The following PSD3 variants were observed in gnomAD, a reference collection of about 807,000 sequenced individuals.
The protein encoded by PSD3 is pleckstrin and Sec7 domain containing 3.
Under a neutral mutation model 105.5 loss-of-function variants are expected in PSD3, and 49 were observed. The ratio of observed to expected loss-of-function variants is 0.46; its 90% confidence interval spans 0.37 to 0.59. PSD3 has a LOEUF of 0.59. PSD3 is among the 20% of genes least tolerant of loss of function. The probability of loss-of-function intolerance (pLI) is 0.00; values close to 1 mark genes in which losing one functional copy is unlikely to be tolerated. For synonymous variants in PSD3, 557 were observed against 457.8 expected, an observed-to-expected ratio of 1.22 and a Z score of -2.77; for missense variants, 1,561 against 1,263.8, an observed-to-expected ratio of 1.24 and a Z score of -3.57.
At chr8:18,682,235 G>A (rs1420575720) in intron 9 of PSD3, among the ~76,000 whole-genome samples, 1 of 152,192 alleles carries the variant, frequency 6.6e-6, no homozygotes, top group Non-Finnish European at 1.5e-5. Flanking sequence ...TAAGGATGAT[G>A]AGCTCTTAAT....
chr8:18,697,301 G>A (rs992381040), intron 9 of PSD3, among the ~76,000 whole-genome samples: 2 of 152,104 alleles, frequency 1.3e-5, no homozygotes, highest in South Asian at 2.1e-4. Flanking sequence ...AGGAAACAAC[G>A]GGCTAAGAAT....
intron 2 of PSD3, among the ~76,000 whole-genome samples, chr8:18,914,287 T>A (rs1055528511): frequency 1.3e-5 from 2 of 151,506 alleles, no homozygotes; most frequent in African/African-American, 4.8e-5. Context: ...AGCCCACAGC[T>A]AACATCACAC....
chr8:18,543,006 A>G (rs1263592141), intron 15 of PSD3, among the ~76,000 whole-genome samples: 1 of 152,218 alleles, frequency 6.6e-6, no homozygotes, highest in African/African-American at 2.4e-5. Context: ...TAAGCATAAT[A>G]TAATTCCACT....
intron 2 of PSD3, among the ~76,000 whole-genome samples, chr8:18,920,652 G>T (rs1469565238): frequency 2.0e-5 from 3 of 152,140 alleles, no homozygotes. Context: ...CCTAAGGCCG[G>T]ATCATTAGAA....
intron 1 of PSD3, among the ~76,000 whole-genome samples, chr8:18,998,365 G>C (rs1233023149): frequency 6.6e-6 from 1 of 151,952 alleles, no homozygotes; most frequent in Non-Finnish European, 1.5e-5. Flanking sequence ...TCAAAACCCT[G>C]GACCTTGCTT....
At chr8:19,037,025 T>C (rs956456610) in intron 1 of PSD3, among the ~76,000 whole-genome samples, 1 of 152,202 alleles carries the variant, frequency 6.6e-6, no homozygotes, top group African/African-American at 2.4e-5. Context: ...CACCACTAAT[T>C]AGAATTTACC....
intron 12 of PSD3, among the ~76,000 whole-genome samples, chr8:18,579,096 CCACA>C (rs3988324): frequency 0.28 from 40,570 of 143,472 alleles, 5,964 homozygotes; most frequent in East Asian, 0.44. Flanking sequence ...AGCTCCAAGT[CCACA>C]CACACACACA....
chr8:18,845,099 AT>A (rs1278994022), intron 4 of PSD3, among the ~76,000 whole-genome samples: 1 of 152,214 alleles, frequency 6.6e-6, no homozygotes, highest in Non-Finnish European at 1.5e-5. Flanking sequence ...AAGGAAAAAC[AT>A]GAGGTAAAAA....
chr8:19,067,248 T>C (rs894832792), intron 1 of PSD3, among the ~76,000 whole-genome samples: 6 of 152,310 alleles, frequency 3.9e-5, no homozygotes, highest in African/African-American at 1.4e-4. Flanking sequence ...ACTACAGTAG[T>C]GCTACCTGAA....
chr8:18,799,275 T>A lies in PSD3; in HGVS notation c.2082+20A>T. On this transcript the variant is annotated intron_variant, in intron 8 of 15. Transcript: ENST00000327040. ...AAGCCCGACATGTTTTGGATCTAAGTTTCACAAATCCACACTTACGTGGCC... is the reference window on the plus strand; with the variant it reads ...AAGCCCGACATGTTTTGGATCTAAGATTCACAAATCCACACTTACGTGGCC... The A allele has an allele frequency of 6.3e-7, 1 of 1,582,086 alleles. No individual in the cohort carries two copies. Among genetic ancestry groups the A allele is most frequent in the Non-Finnish European group, 8.7e-7 (1 of 1,150,964 alleles).
chr8:18,781,311 T>C (rs1327979180), intron 8 of PSD3, among the ~76,000 whole-genome samples: 1 of 152,256 alleles, frequency 6.6e-6, no homozygotes, highest in Non-Finnish European at 1.5e-5. Flanking sequence ...GCCCTTCTGA[T>C]GCATGCATAT....
intron 4 of PSD3, 115 bp downstream of exon 4, chr8:18,867,558 CT>C: frequency 7.6e-7 from 1 of 1,313,024 alleles, no homozygotes; most frequent in Admixed American, 2.7e-5. Context: ...ACATCATTTG[CT>C]TATGTCCACA....
intron 4 of PSD3, among the ~76,000 whole-genome samples, chr8:18,839,976 C>A (rs1814480451): frequency 6.6e-6 from 1 of 152,284 alleles, no homozygotes; most frequent in East Asian, 1.9e-4. Context: ...TCCCCTCCCA[C>A]AAACTGTTGA....
At chr8:18,556,989 T>C (rs116583224) in intron 14 of PSD3, among the ~76,000 whole-genome samples, 2,231 of 152,338 alleles carry the variant, frequency 0.015, 53 homozygotes, top group African/African-American at 0.051. Flanking sequence ...TTAGCAATTA[T>C]TGCCTTAGTA....
At chr8:18,969,758 C>T (rs936778238) in intron 1 of PSD3, among the ~76,000 whole-genome samples, 1 of 152,078 alleles carries the variant, frequency 6.6e-6, no homozygotes, top group Non-Finnish European at 1.5e-5. Context: ...ACCCAAGGAT[C>T]TTTCAAAGTC....
chr8:18,565,694 A>T (rs906169122), intron 14 of PSD3, among the ~76,000 whole-genome samples: 2 of 152,176 alleles, frequency 1.3e-5, no homozygotes, highest in African/African-American at 4.8e-5. Context: ...TATCCAAAAA[A>T]TTGTGGCATT....
At chr8:19,070,612 A>G (rs966585499) in intron 1 of PSD3, among the ~76,000 whole-genome samples, 1 of 152,142 alleles carries the variant, frequency 6.6e-6, no homozygotes, top group Non-Finnish European at 1.5e-5. Flanking sequence ...TGGGAGGCGG[A>G]GGTTGCAGTG....
chr8:18,934,467 G>C (rs1470276109), intron 2 of PSD3, among the ~76,000 whole-genome samples: 1 of 152,108 alleles, frequency 6.6e-6, no homozygotes, highest in Non-Finnish European at 1.5e-5. Context: ...CTGGAGTGCA[G>C]TGGCGTGATC....
At chr8:18,846,386 G>C (rs1304947329) in intron 4 of PSD3, among the ~76,000 whole-genome samples, 1 of 152,158 alleles carries the variant, frequency 6.6e-6, no homozygotes, top group African/African-American at 2.4e-5. Flanking sequence ...AGAAAAATCA[G>C]ATGAACAGAA....
Sources: allele counts gnomAD v4.1 joint callset (sites outside exome capture counted in the v4.1 genomes callset), GRCh38; gene constraint gnomAD v4.1.1; transcripts MANE v1.5; gene names NCBI Gene and HGNC (gene_info 2026-07-23, HGNC 2026-07-21).